CRACD: variants seen among roughly 807,000 people sequenced by gnomAD.
CRACD encodes the protein capping protein inhibiting regulator of actin dynamics.
Under a neutral mutation model 106.8 loss-of-function variants are expected in CRACD, and 56 were observed. That is an observed-to-expected ratio of 0.52 (90% CI 0.42 to 0.66). The LOEUF is 0.66. Ranked by LOEUF, CRACD falls within the 30% of genes least tolerant of loss-of-function variation. CRACD has a pLI of 0.00. For synonymous variants in CRACD, 754 were observed against 670.8 expected (o/e 1.12, Z -1.92); for missense variants, 1,730 against 1,623.2 (o/e 1.07, Z -1.13).
Position 56,214,681 on chromosome 4 carries a change from C to CTCTCTCTATATATA in CRACD, c.-189+35252_-189+35253insCTCTCTATATATAT. On this transcript the variant is annotated intron_variant, in intron 2 of 10. Coordinates refer to ENST00000682029, the MANE Select transcript of CRACD (RefSeq NM_001393381.1). ...TCTCTCTCTCTCTCTCTCTCTCTCT[C>CTCTCTCTATATATA]TATATATATATATATCAAACAGTTA... is the stretch of plus-strand genomic sequence containing the variant. Among the ~76,000 whole-genome samples, 85 of 80,992 alleles carry CTCTCTCTATATATA rather than the reference C, an allele frequency of 1.0e-3. 2 individuals carry two copies. Among genetic ancestry groups the CTCTCTCTATATATA allele is most frequent in the East Asian group, 5.1e-3 (14 of 2,732 alleles). The allele number at this position is 80,992 out of a possible 152,430, so 53.1% of individuals were successfully genotyped here.
intron 3 of CRACD, among the ~76,000 whole-genome samples, chr4:56,282,865 A>T (rs1057387160): frequency 6.6e-6 from 1 of 152,212 alleles, no homozygotes; most frequent in Admixed American, 6.5e-5. Context: ...CCTTTCGCAT[A>T]GATGCTATCT....
chr4:56,078,359 G>A (rs73240512), intron 1 of CRACD, among the ~76,000 whole-genome samples: 7,009 of 152,162 alleles, frequency 0.046, 188 homozygotes, highest in Non-Finnish European at 0.054. Flanking sequence ...TTACTAAATT[G>A]TTACTAGGTT....
At chr4:56,246,204 T>A (rs922594076) in intron 2 of CRACD, among the ~76,000 whole-genome samples, 1 of 152,206 alleles carries the variant, frequency 6.6e-6, no homozygotes, top group Non-Finnish European at 1.5e-5. Flanking sequence ...CATTTTTCTA[T>A]CCTCTGAAAG....
intron 1 of CRACD, among the ~76,000 whole-genome samples, chr4:56,164,195 C>T (rs142606100): frequency 0.017 from 2,508 of 149,756 alleles, 29 homozygotes; most frequent in Admixed American, 0.042. Flanking sequence ...AGTGCAGTGG[C>T]GCAATTTCGG....
rs149295270 is a variant in CRACD at position 56,174,782 on chromosome 4, T to A, written c.-335-4502T>A. 1.9e-3 allele frequency among the ~76,000 whole-genome samples: 282 copies of A among 152,292 alleles called. 1 individual carries two copies. The highest frequency in any genetic ancestry group is 6.5e-3 in the African/African-American group (271 of 41,570). On this transcript the variant is annotated intron_variant, in intron 1 of 10. Transcript: ENST00000682029. ...GTATTAGTCTGTTTTCACACTGATA[T>A]AAAGAACTACCTGAGACTAGGTAAT...
At chr4:56,196,288 T>G (rs892227568) in intron 2 of CRACD, 4 of 152,964 alleles carry the variant, frequency 2.6e-5, no homozygotes, top group African/African-American at 7.2e-5. Flanking sequence ...ACACTCCCCC[T>G]GCCAATTTCA....
At chr4:56,232,929 A>G (rs914039031) in intron 2 of CRACD, among the ~76,000 whole-genome samples, 1 of 151,784 alleles carries the variant, frequency 6.6e-6, no homozygotes, top group African/African-American at 2.4e-5. Flanking sequence ...GGGTTTCACC[A>G]TATCGAACAG....
intron 1 of CRACD, among the ~76,000 whole-genome samples, chr4:56,141,440 T>G (rs1382329268): frequency 2.0e-5 from 3 of 152,004 alleles, no homozygotes; most frequent in African/African-American, 7.2e-5. Context: ...CCTTAAAGAT[T>G]ATCTTTCTTG....
chr4:56,308,944 A>G, intron 5 of CRACD: 1 of 1,281,572 alleles, frequency 7.8e-7, no homozygotes, highest in Non-Finnish European at 1.0e-6. Context: ...AGATATGGGT[A>G]TTACAGAGGT....
chr4:56,227,920 G>T (rs1739396616), intron 2 of CRACD, among the ~76,000 whole-genome samples: 2 of 152,096 alleles, frequency 1.3e-5, no homozygotes, highest in South Asian at 4.1e-4. Flanking sequence ...TGCCTCTTAG[G>T]AAGCGCTTAA....
rs1446016845 is a variant in CRACD at position 56,188,711 on chromosome 4, C to CACACACACACAGAGAGAGAG, written c.-189+9282_-189+9283insCACACACACAGAGAGAGAGA. Among the ~76,000 whole-genome samples, 149 of 113,098 alleles carry CACACACACACAGAGAGAGAG rather than the reference C, an allele frequency of 1.3e-3. 2 individuals are homozygous for CACACACACACAGAGAGAGAG. The highest frequency in any genetic ancestry group is 5.7e-3 in the African/African-American group (147 of 25,792). 74.2% of individuals were successfully genotyped at this position (113,098 alleles called of 152,430 possible). Reference sequence around the variant, plus strand: ...TCACACACACACACACACACACACACAGAGAGAGAGAGAGAGAGAGAGAGG... The same window carrying CACACACACACAGAGAGAGAG: ...TCACACACACACACACACACACACACACACACACACAGAGAGAGAGAGAGAGAGAGAGAGAGAGAGAGAGG... On this transcript the variant is annotated intron_variant, in intron 2 of 10. Coordinates refer to ENST00000682029, the MANE Select transcript of CRACD (RefSeq NM_001393381.1).
chr4:56,058,585 A>C lies in CRACD; in HGVS notation c.-336+9286A>C, dbSNP rs531071834. Among the ~76,000 whole-genome samples the C allele has an allele frequency of 1.3e-5, 2 of 152,352 alleles. 1 individual carries two copies. The highest frequency in any genetic ancestry group is 3.9e-4 in the East Asian group (2 of 5,184). On this transcript the variant is annotated intron_variant, in intron 1 of 10. Coordinates refer to ENST00000682029, the MANE Select transcript of CRACD (RefSeq NM_001393381.1). Reference sequence around the variant, plus strand: ...TGGCTGGTGCAAAAGCCATGGCCTCAGAATGTAGGCTTCCTGTCAGTTTTG... The same window carrying C: ...TGGCTGGTGCAAAAGCCATGGCCTCCGAATGTAGGCTTCCTGTCAGTTTTG...
intron 2 of CRACD, among the ~76,000 whole-genome samples, chr4:56,243,998 T>A (rs1459118654): frequency 6.6e-6 from 1 of 152,204 alleles, no homozygotes; most frequent in East Asian, 1.9e-4. Context: ...AGTGTATATT[T>A]AAATTGATCC....
chr4:56,327,523 T>C, intron 10 of CRACD, 121 bp from the exon 11 acceptor site: 1 of 850,058 alleles, frequency 1.2e-6, no homozygotes, highest in South Asian at 1.8e-5. Context: ...CAAAACAATG[T>C]TGTACATGAC....
At chr4:56,108,946 A>T (rs1225659147) in intron 1 of CRACD, among the ~76,000 whole-genome samples, 3 of 152,242 alleles carry the variant, frequency 2.0e-5, no homozygotes, top group African/African-American at 7.2e-5. Flanking sequence ...GGAGGGGTTT[A>T]GGCCTCCGGA....
chr4:56,079,017 G>C (rs144692659), intron 1 of CRACD, among the ~76,000 whole-genome samples: 67 of 152,302 alleles, frequency 4.4e-4, no homozygotes, highest in African/African-American at 1.6e-3. Context: ...GGGCACTGCA[G>C]GTCCAGAGAA....
chr4:56,172,862 T>A (rs1048980150), intron 1 of CRACD, among the ~76,000 whole-genome samples: 26 of 152,174 alleles, frequency 1.7e-4, no homozygotes, highest in Admixed American at 1.6e-3. Context: ...GACCTCATGA[T>A]CTGCCCACCT....
intron 1 of CRACD, among the ~76,000 whole-genome samples, chr4:56,060,473 G>A (rs1248987584): frequency 6.6e-6 from 1 of 152,096 alleles, no homozygotes; most frequent in African/African-American, 2.4e-5. Flanking sequence ...GAGTAGAAAT[G>A]TAACAGATGG....
At chr4:56,326,952 CT>C (rs201888086) in intron 10 of CRACD, among the ~76,000 whole-genome samples, 2,427 of 152,142 alleles carry the variant, frequency 0.016, 76 homozygotes, top group African/African-American at 0.055. Flanking sequence ...GTTGGCCAGG[CT>C]GGTCTCGAAC....
Sources: gnomAD v4.1 joint callset for allele counts (sites outside exome capture counted in the v4.1 genomes callset) on GRCh38, gnomAD v4.1.1 for gene constraint, MANE v1.5 for transcripts, NCBI Gene and HGNC (gene_info 2026-07-23, HGNC 2026-07-21) for gene names.